The following KCNIP4 variants were observed in gnomAD, a reference collection of about 807,000 sequenced individuals.
KCNIP4 encodes the protein Kv channel-interacting protein 4.
A neutral mutation model predicts 34.0 loss-of-function variants in KCNIP4; 12 were observed. The ratio of observed to expected loss-of-function variants is 0.35; its 90% CI spans 0.23 to 0.57. KCNIP4 has a LOEUF of 0.57. Among genes scored for constraint, KCNIP4 ranks in the 20% least tolerant of loss-of-function variants. The probability of loss-of-function intolerance (pLI) is 0.83; values close to 1 mark genes in which losing one functional copy is unlikely to be tolerated. For synonymous variants in KCNIP4, 124 were observed against 102.2 expected (o/e 1.21, Z -1.29); for missense variants, 238 against 311.7 (o/e 0.76, Z 1.78).
intron 1 of KCNIP4, among the ~76,000 whole-genome samples, chr4:21,878,609 C>T (rs1180551595): frequency 6.6e-6 from 1 of 152,194 alleles, no homozygotes; most frequent in Non-Finnish European, 1.5e-5. Flanking sequence ...ATGAGCAATG[C>T]TTTCAACATT....
At chr4:21,059,431 C>T (rs911535031) in intron 1 of KCNIP4, among the ~76,000 whole-genome samples, 4 of 152,130 alleles carry the variant, frequency 2.6e-5, no homozygotes, top group African/African-American at 9.7e-5. Context: ...ACATTTTCTG[C>T]TGCTGGGGAA....
chr4:21,432,133 T>C (rs1726536321), intron 1 of KCNIP4, among the ~76,000 whole-genome samples: 1 of 115,138 alleles, frequency 8.7e-6, no homozygotes, highest in East Asian at 2.6e-4. Context: ...TATATATATA[T>C]ATATACAATC....
intron 1 of KCNIP4, among the ~76,000 whole-genome samples, chr4:20,954,884 T>A (rs1733136050): frequency 6.6e-6 from 1 of 152,242 alleles, no homozygotes; most frequent in Non-Finnish European, 1.5e-5. Context: ...CTTCGATTTC[T>A]GGGAAATGAT....
At chr4:21,350,504 C>T (rs1319538728) in intron 1 of KCNIP4, among the ~76,000 whole-genome samples, 1 of 152,152 alleles carries the variant, frequency 6.6e-6, no homozygotes, top group Non-Finnish European at 1.5e-5. Flanking sequence ...TTTCTCTTTG[C>T]AGACTCCAGT....
chr4:21,306,562 A>G (rs1712489780), intron 1 of KCNIP4, among the ~76,000 whole-genome samples: 1 of 152,168 alleles, frequency 6.6e-6, no homozygotes, highest in Non-Finnish European at 1.5e-5. Context: ...TTTAGCCATT[A>G]ACTCCGGTAA....
At chr4:21,522,907 T>C (rs1195698270) in intron 1 of KCNIP4, among the ~76,000 whole-genome samples, 2 of 152,050 alleles carry the variant, frequency 1.3e-5, no homozygotes, top group Non-Finnish European at 2.9e-5. Flanking sequence ...AAGGTATAAA[T>C]GTTTGTGTCC....
At chr4:21,305,526 A>G (rs543060995) in intron 1 of KCNIP4, among the ~76,000 whole-genome samples, 1 of 152,178 alleles carries the variant, frequency 6.6e-6, no homozygotes, top group Admixed American at 6.5e-5. Flanking sequence ...AGAGGAATCA[A>G]TCTGGAGGAA....
chr4:21,311,897 C>T (rs1291369831), intron 1 of KCNIP4, among the ~76,000 whole-genome samples: 1 of 152,102 alleles, frequency 6.6e-6, no homozygotes, highest in Non-Finnish European at 1.5e-5. Context: ...AACCCACCTT[C>T]AAGGGCATAT....
chr4:21,196,190 C>T (rs1323359208), intron 1 of KCNIP4, among the ~76,000 whole-genome samples: 1 of 152,178 alleles, frequency 6.6e-6, no homozygotes, highest in African/African-American at 2.4e-5. Flanking sequence ...AGCTTATTAT[C>T]ACTTAACGAT....
At chr4:21,743,646 AG>A in intron 1 of KCNIP4, among the ~76,000 whole-genome samples, 1 of 151,202 alleles carries the variant, frequency 6.6e-6, no homozygotes, top group Admixed American at 6.6e-5. Context: ...TTTTTTTTGT[AG>A]GGGGAGGGGG....
chr4:20,995,340 G>A (rs775307799), intron 1 of KCNIP4, among the ~76,000 whole-genome samples: 1 of 152,054 alleles, frequency 6.6e-6, no homozygotes, highest in East Asian at 1.9e-4. Context: ...GTGCTGTCAG[G>A]GGCAATGAAT....
At chr4:20,900,232 C>T (rs1351545756) in intron 1 of KCNIP4, among the ~76,000 whole-genome samples, 1 of 152,080 alleles carries the variant, frequency 6.6e-6, no homozygotes, top group Non-Finnish European at 1.5e-5. Flanking sequence ...TAGAAATATG[C>T]TATAACTAAA....
intron 3 of KCNIP4, among the ~76,000 whole-genome samples, chr4:20,773,597 G>A (rs1334921763): frequency 6.6e-6 from 1 of 152,134 alleles, no homozygotes; most frequent in Non-Finnish European, 1.5e-5. Context: ...AGGCACAAGG[G>A]GGCAGTAGTG....
chr4:21,653,637 TAAC>T (rs1375384959), intron 1 of KCNIP4, among the ~76,000 whole-genome samples: 1 of 152,236 alleles, frequency 6.6e-6, no homozygotes, highest in Non-Finnish European at 1.5e-5. Context: ...CCAGCAGCAT[TAAC>T]AACAGCTACT....
chr4:21,421,800 T>C (rs1311586900), intron 1 of KCNIP4, among the ~76,000 whole-genome samples: 1 of 152,190 alleles, frequency 6.6e-6, no homozygotes, highest in Non-Finnish European at 1.5e-5. Flanking sequence ...ATATTTTAAT[T>C]AGCTTGATTG....
chr4:21,037,185 G>A (rs1052414870), intron 1 of KCNIP4, among the ~76,000 whole-genome samples: 13 of 152,092 alleles, frequency 8.5e-5, no homozygotes, highest in African/African-American at 1.9e-4. Flanking sequence ...ATTAGCTAAC[G>A]TTAATTTATT....
intron 1 of KCNIP4, among the ~76,000 whole-genome samples, chr4:21,885,415 T>TA (rs1318455896): frequency 6.6e-6 from 1 of 152,118 alleles, no homozygotes; most frequent in Non-Finnish European, 1.5e-5. Context: ...TGCAAAATCC[T>TA]AAAAAATGCA....
At chr4:20,962,639 A>G (rs953183037) in intron 1 of KCNIP4, among the ~76,000 whole-genome samples, 1 of 152,204 alleles carries the variant, frequency 6.6e-6, no homozygotes, top group Non-Finnish European at 1.5e-5. Flanking sequence ...TACTTCAAAA[A>G]CACACCTTAA....
At chr4:21,056,171 T>C (rs1023722) in intron 1 of KCNIP4, among the ~76,000 whole-genome samples, 6,637 of 152,248 alleles carry the variant, frequency 0.044, 218 homozygotes, top group East Asian at 0.14. Context: ...ATATGGAACC[T>C]AGGTAGTCTG....
Sources: gnomAD v4.1 joint callset for allele counts (sites outside exome capture counted in the v4.1 genomes callset) on GRCh38, gnomAD v4.1.1 for gene constraint, MANE v1.5 for transcripts, NCBI Gene and HGNC (gene_info 2026-07-23, HGNC 2026-07-21) for gene names.